The following LRRC37A2 variants were observed in gnomAD, a reference collection of about 807,000 sequenced individuals.
LRRC37A2 encodes the protein leucine rich repeat containing 37 member A2.
In LRRC37A2, 9 loss-of-function variants were observed where a neutral mutation model predicts 68.8. That is an observed-to-expected ratio of 0.13 (90% CI 0.08 to 0.23). The LOEUF is 0.23. Among genes scored for constraint, LRRC37A2 ranks in the 10% least tolerant of loss-of-function variants. The pLI, the probability that LRRC37A2 is intolerant of heterozygous loss-of-function variation, is 1.00. For missense variants in LRRC37A2, 168 were observed against 950.4 expected, an observed-to-expected ratio of 0.18 and a Z score of 10.82; for synonymous variants, 63 against 367.6, an observed-to-expected ratio of 0.17 and a Z score of 9.48.
chr17:46,535,046 G>A (rs1159177015), intron 6 of LRRC37A2, among the ~76,000 whole-genome samples: 2 of 149,292 alleles, frequency 1.3e-5, no homozygotes, highest in South Asian at 2.1e-4. Flanking sequence ...CATCCCAGAC[G>A]GGCATGCCCA....
At chr17:46,895,693 A>G in the LRRC37A2 span, among the ~76,000 whole-genome samples, 1 of 152,216 alleles carries the variant, frequency 6.6e-6, no homozygotes, top group African/African-American at 2.4e-5. Context: ...CCTCACAGCA[A>G]CGTTGCATGG....
chr17:46,951,202 G>A, the LRRC37A2 span, among the ~76,000 whole-genome samples: 1 of 152,186 alleles, frequency 6.6e-6, no homozygotes, highest in Non-Finnish European at 1.5e-5. Context: ...GAGGCAGACA[G>A]AGGTGGACGC....
At chr17:46,920,089 T>C in the LRRC37A2 span, among the ~76,000 whole-genome samples, 1 of 152,222 alleles carries the variant, frequency 6.6e-6, no homozygotes, top group Non-Finnish European at 1.5e-5. Flanking sequence ...GCTCAAGCTA[T>C]TCCCTCAGCC....
At chr17:46,940,421 C>CT in the LRRC37A2 span, 1 of 1,597,452 alleles carries the variant, frequency 6.3e-7, no homozygotes, top group Non-Finnish European at 8.5e-7. Context: ...CTAGATCTGT[C>CT]TAACTCTGGG....
chr17:46,765,524 G>T, the LRRC37A2 span, among the ~76,000 whole-genome samples: 1 of 152,364 alleles, frequency 6.6e-6, no homozygotes, highest in East Asian at 1.9e-4. Context: ...AGGGCCCGGG[G>T]CCTGCTCTGC....
chr17:46,545,974 T>G (rs1450694742), intron 8 of LRRC37A2, among the ~76,000 whole-genome samples: 1 of 144,378 alleles, frequency 6.9e-6, no homozygotes, highest in Non-Finnish European at 1.5e-5. Context: ...AAGTGAGACT[T>G]TTGAATTGGG....
the LRRC37A2 span, among the ~76,000 whole-genome samples, chr17:46,502,405 G>A: frequency 6.6e-6 from 1 of 151,048 alleles, no homozygotes; most frequent in Non-Finnish European, 1.5e-5. Context: ...CTGCCTCCCA[G>A]ATTCTCCTGT....
chr17:46,635,777 A>ATGTGTGTG, the LRRC37A2 span, among the ~76,000 whole-genome samples: 21,940 of 116,476 alleles, frequency 0.19, 3,701 homozygotes, highest in Non-Finnish European at 0.25. Flanking sequence ...GGGAAAATAA[A>ATGTGTGTG]TGTGTGTGTG....
At chr17:46,831,113 G>A in the LRRC37A2 span, among the ~76,000 whole-genome samples, 1 of 152,228 alleles carries the variant, frequency 6.6e-6, no homozygotes, top group Non-Finnish European at 1.5e-5. Flanking sequence ...TATAGAGTGG[G>A]GGTAGCATGG....
chr17:46,947,149 A>G, the LRRC37A2 span, among the ~76,000 whole-genome samples: 1 of 152,092 alleles, frequency 6.6e-6, no homozygotes, highest in Non-Finnish European at 1.5e-5. Flanking sequence ...ATGAATGTGG[A>G]TGCAGGAACC....
the LRRC37A2 span, among the ~76,000 whole-genome samples, chr17:46,466,782 G>C: frequency 9.8e-6 from 1 of 102,182 alleles, no homozygotes; most frequent in Admixed American, 9.4e-5. Context: ...GGATTGCTGG[G>C]TCAAATGGTA....
At chr17:46,885,135 T>C in the LRRC37A2 span, 2 of 397,108 alleles carry the variant, frequency 5.0e-6, no homozygotes. Flanking sequence ...ATTACAGGCA[T>C]GCACCACCAC....
the LRRC37A2 span, chr17:46,939,024 G>A: frequency 3.8e-6 from 5 of 1,302,384 alleles, no homozygotes; most frequent in Non-Finnish European, 9.9e-7. Flanking sequence ...GCTCTCACTG[G>A]GGGAGGGAAA....
At chr17:46,458,535 T>C in the LRRC37A2 span, among the ~76,000 whole-genome samples, 1 of 64,080 alleles carries the variant, frequency 1.6e-5, no homozygotes, top group African/African-American at 4.9e-5. Context: ...CTTCTTCTTT[T>C]TTTTTTTTTT....
the LRRC37A2 span, among the ~76,000 whole-genome samples, chr17:46,879,687 C>A: frequency 1.3e-5 from 2 of 152,216 alleles, no homozygotes; most frequent in Non-Finnish European, 2.9e-5. Context: ...TACTGAACAT[C>A]TCCATAGACC....
chr17:47,041,452 CTT>C, the LRRC37A2 span, among the ~76,000 whole-genome samples: 67 of 36,462 alleles, frequency 1.8e-3, no homozygotes, highest in African/African-American at 5.2e-3. Context: ...TTGGATGTCT[CTT>C]TTTTTTTTTT....
At chr17:46,870,605 G>T in the LRRC37A2 span, among the ~76,000 whole-genome samples, 1 of 152,230 alleles carries the variant, frequency 6.6e-6, no homozygotes, top group African/African-American at 2.4e-5. Context: ...GCACCTGATG[G>T]GTGTGGAATC....
chr17:46,923,155 A>AAGCCAG, the LRRC37A2 span: 134 of 1,370,690 alleles, frequency 9.8e-5, no homozygotes, highest in South Asian at 1.5e-3. Flanking sequence ...TGTTCCGAGG[A>AAGCCAG]AGCCAGAGCC....
chr17:46,980,480 G>T, the LRRC37A2 span, among the ~76,000 whole-genome samples: 1 of 151,308 alleles, frequency 6.6e-6, no homozygotes, highest in East Asian at 1.9e-4. Flanking sequence ...AAGTATTTGT[G>T]CCAAAACTGA....
Sources: allele counts gnomAD v4.1 joint callset (sites outside exome capture counted in the v4.1 genomes callset), GRCh38; gene constraint gnomAD v4.1.1; transcripts MANE v1.5; gene names NCBI Gene and HGNC (gene_info 2026-07-23, HGNC 2026-07-21).